The following PAX5 variants were observed in gnomAD, a reference collection of about 807,000 sequenced individuals.
PAX5 encodes paired box protein Pax-5.
In PAX5, 9 loss-of-function variants were observed where a neutral mutation model predicts 43.7. The ratio of observed to expected loss-of-function variants is 0.21; its 90% CI spans 0.12 to 0.36. The LOEUF (loss-of-function observed/expected upper bound fraction) is 0.36. Ranked by LOEUF, PAX5 falls within the 10% of genes least tolerant of loss-of-function variation. The pLI, the probability that PAX5 is intolerant of heterozygous loss-of-function variation, is 1.00. For synonymous variants in PAX5, 228 were observed against 214.3 expected, an observed-to-expected ratio of 1.06 and a Z score of -0.56; for missense variants, 383 against 532.7, an observed-to-expected ratio of 0.72 and a Z score of 2.77.
At position 36,890,529 on chromosome 9, in the gene PAX5, C is replaced by A. The variant is rs546509876; in HGVS notation, c.911-8424G>T. Among the ~76,000 whole-genome samples the A allele has an allele frequency of 2.0e-5, 3 of 152,290 alleles. No individual in the cohort carries two copies. In the South Asian group the frequency reaches 6.2e-4, roughly 32 times the overall value. ...TGTGTGACCTCAGGTAAACTTCACC[C>A]CCTCTCTGGGCCTTGGTTTCTGGGC... On this transcript the variant is annotated intron_variant, in intron 7 of 9. Transcript: ENST00000358127.
Position 36,839,480 on chromosome 9 carries a change from G to A in PAX5, c.*1080C>T. ...GTAGGCTGTTTGTGATCTGGGTGTGGGGGAAAGTCCTCTGTGTTAATTATT... is the reference window on the plus strand; with the variant it reads ...GTAGGCTGTTTGTGATCTGGGTGTGAGGGAAAGTCCTCTGTGTTAATTATT... On this transcript the variant is annotated 3_prime_UTR_variant, in exon 10 of 10. Coordinates refer to ENST00000358127, the MANE Select transcript of PAX5 (RefSeq NM_016734.3). 8.6e-6 allele frequency: 2 copies of A among 233,454 alleles called. No homozygotes were observed. Among genetic ancestry groups the A allele is most frequent in the Non-Finnish European group, 1.7e-5 (2 of 118,152 alleles). The allele number at this position is 233,454 out of a possible 1,614,324, so 14.5% of individuals were successfully genotyped here.
Position 36,843,164 on chromosome 9 carries a change from C to T in PAX5, c.1100-2528G>A, listed in dbSNP as rs199566127. Among the ~76,000 whole-genome samples, 12 of 152,010 alleles carry T rather than the reference C, an allele frequency of 7.9e-5. No individual in the cohort carries two copies. The South Asian group carries it at 1.0e-3, about 13-fold the overall frequency. On this transcript the variant is annotated intron_variant, in intron 9 of 9. Coordinates refer to ENST00000358127, the MANE Select transcript of PAX5 (RefSeq NM_016734.3). ...TGTGCATGTGTGTGTGTAGGGTTCT[C>T]GCCTGTTCCACAGAGCGCACCAATC...
At chr9:37,003,048 G>C (rs543758824) in intron 4 of PAX5, among the ~76,000 whole-genome samples, 1 of 151,868 alleles carries the variant, frequency 6.6e-6, no homozygotes, top group African/African-American at 2.4e-5. Flanking sequence ...ACGGGGACAC[G>C]GGGACAGGAA....
At chr9:36,986,411 G>A (rs1349921022) in intron 5 of PAX5, among the ~76,000 whole-genome samples, 1 of 151,396 alleles carries the variant, frequency 6.6e-6, no homozygotes, top group East Asian at 1.9e-4. Context: ...ATCTCGGAAC[G>A]TCAATTGACT....
rs1821483148 is a variant in PAX5, at chr9:36,834,265, G to C, written c.*6295C>G. ...TGCTGGGTGCTTGGGGCCAGGGGAT[G>C]GGCCTGCCTCTTCCTGAGCCCCGGG... On this transcript the variant is annotated 3_prime_UTR_variant, in exon 10 of 10. Transcript: ENST00000358127. 1 of 233,224 alleles carries C rather than the reference G, an allele frequency of 4.3e-6. No individual in the cohort carries two copies. Among genetic ancestry groups the C allele is most frequent in the Non-Finnish European group, 8.5e-6 (1 of 118,090 alleles). The allele number at this position is 233,224 out of a possible 1,614,324, so 14.4% of individuals were successfully genotyped here.
chr9:37,023,880 G>C (rs1175515936), intron 1 of PAX5, among the ~76,000 whole-genome samples: 2 of 152,200 alleles, frequency 1.3e-5, no homozygotes, highest in Non-Finnish European at 2.9e-5. Flanking sequence ...TGATACATGT[G>C]GAGAGTCAGG....
rs138009049 is a variant in PAX5 at position 36,952,234 on chromosome 9, C to CTTTTTTTTTTTTTTTTTTTTTTTTTTTTT, written c.780+14314_780+14315insAAAAAAAAAAAAAAAAAAAAAAAAAAAAA. Among the ~76,000 whole-genome samples, 5 of 66,626 alleles carry CTTTTTTTTTTTTTTTTTTTTTTTTTTTTT rather than the reference C, an allele frequency of 7.5e-5. 2 individuals are homozygous for CTTTTTTTTTTTTTTTTTTTTTTTTTTTTT. The highest frequency in any genetic ancestry group is 3.1e-4 in the African/African-American group (5 of 15,898). 43.7% of individuals were successfully genotyped at this position (66,626 alleles called of 152,430 possible). Reference sequence around the variant, plus strand: ...TTTTTAATATGCTCTGACCATCTCCCTTTTTTTTTTTTTTTTTTTTTTTGA... The same window carrying CTTTTTTTTTTTTTTTTTTTTTTTTTTTTT: ...TTTTTAATATGCTCTGACCATCTCCCTTTTTTTTTTTTTTTTTTTTTTTTTTTTTTTTTTTTTTTTTTTTTTTTTTTTGA... On this transcript the variant is annotated intron_variant, in intron 6 of 9. Transcript: ENST00000358127.
chr9:36,864,999 C>T (rs751047333), intron 8 of PAX5, among the ~76,000 whole-genome samples: 5 of 152,234 alleles, frequency 3.3e-5, no homozygotes, highest in Non-Finnish European at 7.3e-5. Context: ...CGCGGCCTTC[C>T]CGCCCGCGAA....
At chr9:37,014,688 G>A (rs934193146) in intron 3 of PAX5, among the ~76,000 whole-genome samples, 1 of 152,188 alleles carries the variant, frequency 6.6e-6, no homozygotes, top group African/African-American at 2.4e-5. Flanking sequence ...AATTCACTGT[G>A]AAGTGTTCCA....
chr9:36,883,429 C>T (rs1040554835), intron 7 of PAX5, among the ~76,000 whole-genome samples: 8 of 152,176 alleles, frequency 5.3e-5, no homozygotes, highest in African/African-American at 1.7e-4. Flanking sequence ...CGCCTGTAAT[C>T]TCAGCACTTT....
chr9:36,909,562 G>A (rs567900909), intron 7 of PAX5, among the ~76,000 whole-genome samples: 1 of 152,320 alleles, frequency 6.6e-6, no homozygotes, highest in African/African-American at 2.4e-5. Context: ...TGTTGGGCAG[G>A]AATGAAGGTA....
intron 7 of PAX5, among the ~76,000 whole-genome samples, chr9:36,919,910 T>G (rs1830018367): frequency 6.6e-6 from 1 of 150,916 alleles, no homozygotes; most frequent in African/African-American, 2.4e-5. Flanking sequence ...TATCCACATT[T>G]ACAGGAGTTG....
chr9:37,010,320 C>G (rs1838816813), intron 3 of PAX5, among the ~76,000 whole-genome samples: 1 of 152,180 alleles, frequency 6.6e-6, no homozygotes, highest in South Asian at 2.1e-4. Flanking sequence ...GCATCAAACT[C>G]TTCCTATGAA....
At chr9:36,841,500 C>T (rs180867932) in intron 9 of PAX5, among the ~76,000 whole-genome samples, 3 of 152,336 alleles carry the variant, frequency 2.0e-5, no homozygotes, top group East Asian at 3.9e-4. Flanking sequence ...CTGCCCTGAG[C>T]TCACACTCCC....
At chr9:36,936,555 G>A (rs1000468913) in intron 6 of PAX5, among the ~76,000 whole-genome samples, 1 of 152,156 alleles carries the variant, frequency 6.6e-6, no homozygotes, top group African/African-American at 2.4e-5. Context: ...TGAATGAGGG[G>A]TCCAAAGGGA....
chr9:36,927,528 A>G (rs1830741204), intron 6 of PAX5, among the ~76,000 whole-genome samples: 2 of 152,220 alleles, frequency 1.3e-5, no homozygotes, highest in Non-Finnish European at 2.9e-5. Context: ...TCTTTTTAAG[A>G]CAAGAAATCT....
chr9:36,884,950 TG>T (rs755146154), intron 7 of PAX5, among the ~76,000 whole-genome samples: 1 of 152,216 alleles, frequency 6.6e-6, no homozygotes, highest in Non-Finnish European at 1.5e-5. Flanking sequence ...CACATCACTC[TG>T]CCTCCGAGTT....
At position 36,980,226 on chromosome 9, in the gene PAX5, C is replaced by T. The variant is rs573716539; in HGVS notation, c.605-13502G>A. ...TGGCTCTTGGAGGCACAAGGCTGAG[C>T]CCAGCATGAGAGTCTCTGGAGGAGG... is the stretch of plus-strand genomic sequence containing the variant. On this transcript the variant is annotated intron_variant, in intron 5 of 9. Transcript: ENST00000358127. 9.2e-5 allele frequency among the ~76,000 whole-genome samples: 14 copies of T among 152,336 alleles called. No individual in the cohort carries two copies. In the East Asian group the frequency reaches 2.7e-3, roughly 29 times the overall value.
intron 6 of PAX5, among the ~76,000 whole-genome samples, chr9:36,939,544 T>C (rs1379955922): frequency 6.6e-6 from 1 of 152,244 alleles, no homozygotes; most frequent in African/African-American, 2.4e-5. Context: ...TACATATAAA[T>C]AGCTGCATTT....
Sources: gnomAD v4.1 joint callset for allele counts (sites outside exome capture counted in the v4.1 genomes callset) on GRCh38, gnomAD v4.1.1 for gene constraint, MANE v1.5 for transcripts, NCBI Gene and HGNC (gene_info 2026-07-23, HGNC 2026-07-21) for gene names.